The following DIAPH3 variants were observed in gnomAD, a reference collection of about 807,000 sequenced individuals.
The protein encoded by DIAPH3 is protein diaphanous homolog 3.
Under a neutral mutation model 144.3 loss-of-function variants are expected in DIAPH3, and 117 were observed. The observed-to-expected ratio is 0.81, with a 90% CI of 0.70 to 0.95. DIAPH3 has a LOEUF of 0.95. Among genes scored for constraint, DIAPH3 ranks in the 40% least tolerant of loss-of-function variants. DIAPH3 has a pLI of 0.00. For missense variants in DIAPH3, 1,421 were observed against 1,412.7 expected (o/e 1.01, Z -0.09); for synonymous variants, 519 against 488.9 (o/e 1.06, Z -0.81).
At chr13:60,061,909 G>A (rs951584582) in intron 4 of DIAPH3, among the ~76,000 whole-genome samples, 4 of 151,948 alleles carry the variant, frequency 2.6e-5, no homozygotes, top group African/African-American at 4.8e-5. Flanking sequence ...GCACACCATG[G>A]TTTTCCCTAT....
intron 27 of DIAPH3, among the ~76,000 whole-genome samples, chr13:59,736,599 A>G (rs1256214615): frequency 1.3e-5 from 2 of 152,262 alleles, no homozygotes; most frequent in African/African-American, 4.8e-5. Context: ...AGCAAAAAAT[A>G]GATTCAATGC....
chr13:59,687,724 A>AT (rs1400905813), intron 27 of DIAPH3, among the ~76,000 whole-genome samples: 1 of 152,074 alleles, frequency 6.6e-6, no homozygotes, highest in Admixed American at 6.6e-5. Flanking sequence ...CAGAGAGACA[A>AT]TGAACCACAA....
At chr13:59,885,182 A>T (rs1027195425) in intron 20 of DIAPH3, among the ~76,000 whole-genome samples, 3 of 152,076 alleles carry the variant, frequency 2.0e-5, no homozygotes, top group African/African-American at 7.2e-5. Context: ...AAAGCTAAAG[A>T]ACAAAGAGAC....
chr13:59,748,343 C>T (rs563345778), intron 27 of DIAPH3, among the ~76,000 whole-genome samples: 3 of 152,232 alleles, frequency 2.0e-5, no homozygotes, highest in East Asian at 1.9e-4. Context: ...TCTATCCTAC[C>T]AGTTCTCATG....
chr13:59,974,275 T>C (rs2050547234), intron 15 of DIAPH3, 77 bp downstream of exon 15: 2 of 1,030,394 alleles, frequency 1.9e-6, no homozygotes, highest in South Asian at 2.6e-5. Flanking sequence ...AACATTTTGA[T>C]GCTATGAAGA....
chr13:60,124,495 T>C (rs1236110207), intron 2 of DIAPH3, among the ~76,000 whole-genome samples: 2 of 152,220 alleles, frequency 1.3e-5, no homozygotes, highest in Non-Finnish European at 1.5e-5. Context: ...ATATTCAAAA[T>C]AGTTCATTTC....
intron 25 of DIAPH3, among the ~76,000 whole-genome samples, chr13:59,799,558 C>T (rs778833560): frequency 6.6e-6 from 1 of 152,098 alleles, no homozygotes; most frequent in Non-Finnish European, 1.5e-5. Flanking sequence ...CGTTTGTTAC[C>T]AAAAGTATAA....
At chr13:59,972,501 G>C (rs1433289515) in intron 15 of DIAPH3, among the ~76,000 whole-genome samples, 1 of 151,980 alleles carries the variant, frequency 6.6e-6, no homozygotes. Flanking sequence ...ATGAAAAATA[G>C]ACCATGTATA....
At chr13:60,053,533 C>A (rs1275518039) in intron 4 of DIAPH3, among the ~76,000 whole-genome samples, 1 of 152,036 alleles carries the variant, frequency 6.6e-6, no homozygotes, top group Non-Finnish European at 1.5e-5. Context: ...CTTTCCCATA[C>A]CATTTCTGTT....
At chr13:60,038,666 A>G (rs2055404289) in intron 5 of DIAPH3, among the ~76,000 whole-genome samples, 1 of 152,212 alleles carries the variant, frequency 6.6e-6, no homozygotes, top group African/African-American at 2.4e-5. Context: ...AGATAACTTT[A>G]TGAGAAAATT....
rs763806545 is a variant in DIAPH3 at position 60,016,148 on chromosome 13, G to C, written c.627-3C>G. The C allele has an allele frequency of 1.2e-6, 2 of 1,612,924 alleles. No individual in the cohort carries two copies. The highest frequency in any genetic ancestry group is 1.6e-4 in the Middle Eastern group (1 of 6,076). ...CATGTCCAAAGCTTTCCACCCAACT[G>C]AAAAACAGAAAAAAGACAGTTACAC... On this transcript the variant is annotated splice_polypyrimidine_tract_variant and splice_region_variant and intron_variant, in intron 5 of 27. Coordinates refer to ENST00000400324, the MANE Select transcript of DIAPH3 (RefSeq NM_001042517.2).
intron 25 of DIAPH3, among the ~76,000 whole-genome samples, chr13:59,781,754 T>A (rs2038752780): frequency 2.0e-5 from 3 of 152,218 alleles, no homozygotes; most frequent in Admixed American, 2.0e-4. Flanking sequence ...ACAACAAGAT[T>A]GTCCCATAGG....
At chr13:59,880,828 C>A (rs900646378) in intron 20 of DIAPH3, among the ~76,000 whole-genome samples, 1 of 151,480 alleles carries the variant, frequency 6.6e-6, no homozygotes, top group Non-Finnish European at 1.5e-5. Flanking sequence ...CAGACCCTTG[C>A]CAAATTAAAT....
chr13:60,077,625 T>A (rs2137777623), intron 4 of DIAPH3, among the ~76,000 whole-genome samples: 1 of 152,234 alleles, frequency 6.6e-6, no homozygotes, highest in African/African-American at 2.4e-5. Flanking sequence ...GTCTGCATGG[T>A]ACCTGCAAAC....
At chr13:60,125,394 ATTTTTTTTTT>A (rs56267083) in intron 2 of DIAPH3, among the ~76,000 whole-genome samples, 99 of 97,862 alleles carry the variant, frequency 1.0e-3, no homozygotes, top group Admixed American at 2.8e-3. Context: ...CACCCAGCTA[ATTTTTTTTTT>A]TTTTTTTTTT....
chr13:60,008,580 A>G lies in DIAPH3; in HGVS notation c.978T>C (p.Ile326=), dbSNP rs370839095. The G allele has an allele frequency of 1.1e-5, 18 of 1,613,628 alleles. No homozygotes were observed. The African/African-American group carries it at 2.0e-4, about 18-fold the overall frequency. The change falls in exon 9 of 28, where the codon ATT becomes ATC. Residue 326 remains isoleucine (I), a synonymous_variant. Transcript: ENST00000400324. ...EEKKIDRFFC[I]VEGLRHNSVQ... is the part of the protein sequence containing the mutation. Reference sequence around the variant, plus strand: ...CTGAATTGTGCCGGAGGCCTTCCACAATACAAAAAAATCTGTCAATTTTTT... The same window carrying G: ...CTGAATTGTGCCGGAGGCCTTCCACGATACAAAAAAATCTGTCAATTTTTT...
intron 1 of DIAPH3, among the ~76,000 whole-genome samples, chr13:60,141,600 G>A (rs1371612003): frequency 6.6e-6 from 1 of 152,182 alleles, no homozygotes; most frequent in Non-Finnish European, 1.5e-5. Context: ...TTGGAATGTA[G>A]AATTTGTTCT....
intron 25 of DIAPH3, among the ~76,000 whole-genome samples, chr13:59,808,267 C>A (rs1457194317): frequency 6.6e-6 from 1 of 151,700 alleles, no homozygotes; most frequent in Non-Finnish European, 1.5e-5. Context: ...ACATACTGAG[C>A]TAACTTGTAC....
chr13:60,108,583 G>A (rs1203644972), intron 3 of DIAPH3, among the ~76,000 whole-genome samples: 1 of 151,844 alleles, frequency 6.6e-6, no homozygotes, highest in Non-Finnish European at 1.5e-5. Flanking sequence ...TCCAGCCTGG[G>A]TGACACAGCA....
Sources: allele counts gnomAD v4.1 joint callset (sites outside exome capture counted in the v4.1 genomes callset), GRCh38; gene constraint gnomAD v4.1.1; transcripts MANE v1.5; gene names NCBI Gene and HGNC (gene_info 2026-07-23, HGNC 2026-07-21).